NLGN4X: variants seen among roughly 807,000 people sequenced by gnomAD.
NLGN4X encodes the protein neuroligin 4 X-linked, also known as neuroligin-4, X-linked.
Under a neutral mutation model 40.3 loss-of-function variants are expected in NLGN4X, and 3 were observed. The ratio of observed to expected loss-of-function variants is 0.07; its 90% CI spans 0.03 to 0.19. NLGN4X has a LOEUF of 0.19. NLGN4X is among the 10% of genes least tolerant of loss of function. NLGN4X has a pLI of 1.00. For missense variants in NLGN4X, 382 were observed against 708.3 expected (o/e 0.54, Z 5.23); for synonymous variants, 270 against 306.8 (o/e 0.88, Z 1.25).
intron 1 of NLGN4X, among the ~76,000 whole-genome samples, chrX:6,185,131 T>A (rs760283331): frequency 8.9e-6 from 1 of 112,224 alleles, no homozygotes; most frequent in East Asian, 2.8e-4. Flanking sequence ...CAGCATGACA[T>A]TTTCTTATTT....
At chrX:5,901,987 A>G (rs1308647528) in intron 5 of NLGN4X, among the ~76,000 whole-genome samples, 2 of 109,900 alleles carry the variant, frequency 1.8e-5, no homozygotes, top group African/African-American at 6.6e-5. Flanking sequence ...AATTATTATG[A>G]TATTTGTTTT....
chrX:6,032,405 C>CAA lies in NLGN4X; in HGVS notation c.473-2975_473-2974dup, dbSNP rs34229775. Among the ~76,000 whole-genome samples, 347 of 65,616 alleles carry CAA rather than the reference C, an allele frequency of 5.3e-3. 1 individual carries two copies. The highest frequency in any genetic ancestry group is 0.013 in the African/African-American group (253 of 19,049). The allele number at this position is 65,616 out of a possible 115,157, so 57.0% of individuals were successfully genotyped here. Reference sequence around the variant, plus strand: ...CCATTTTCTCTTCTTGCGACCAAGCCAAAAAAAAAAAAAAAAGGGCTTCTC... The same window carrying CAA: ...CCATTTTCTCTTCTTGCGACCAAGCCAAAAAAAAAAAAAAAAAAGGGCTTCTC... On this transcript the variant is annotated intron_variant, in intron 2 of 5. Coordinates refer to ENST00000381095, the MANE Select transcript of NLGN4X (RefSeq NM_181332.3).
chrX:5,983,393 C>T (rs183991482), intron 3 of NLGN4X, among the ~76,000 whole-genome samples: 1 of 112,332 alleles, frequency 8.9e-6, no homozygotes, highest in East Asian at 2.8e-4. Context: ...AAAATATATA[C>T]ATGATAACCA....
At chrX:5,937,573 T>C (rs2033773542) in intron 3 of NLGN4X, among the ~76,000 whole-genome samples, 1 of 111,602 alleles carries the variant, frequency 9.0e-6, no homozygotes, top group African/African-American at 3.3e-5. Flanking sequence ...ATTTCTTTAT[T>C]TACCTTATTT....
chrX:5,997,822 G>A (rs2035873557), intron 3 of NLGN4X, among the ~76,000 whole-genome samples: 2 of 110,011 alleles, frequency 1.8e-5, no homozygotes, highest in South Asian at 8.0e-4. Context: ...CTCTAATACA[G>A]CACTGGTTTT....
At chrX:6,040,106 T>G (rs2037117942) in intron 2 of NLGN4X, among the ~76,000 whole-genome samples, 1 of 110,072 alleles carries the variant, frequency 9.1e-6, no homozygotes, top group Non-Finnish European at 1.9e-5. Flanking sequence ...CCTGGTTAAT[T>G]TTGTTCTATT....
At chrX:6,219,348 CTCCT>C (rs780101050) in intron 1 of NLGN4X, among the ~76,000 whole-genome samples, 3 of 94,676 alleles carry the variant, frequency 3.2e-5, no homozygotes, top group African/African-American at 1.2e-4. Flanking sequence ...CCTTCCTTCC[CTCCT>C]TCCTTCCTTC....
intron 1 of NLGN4X, among the ~76,000 whole-genome samples, chrX:6,226,237 G>A (rs1277225418): frequency 2.8e-5 from 3 of 108,696 alleles, no homozygotes; most frequent in Non-Finnish European, 5.8e-5. Context: ...CCATCCCCGA[G>A]ATAGCAGCAG....
In NLGN4X at chrX:6,151,621, G is replaced by T. The variant is rs1159979777; in HGVS notation, c.-155C>A. ...GATCACAGACAGAGCCTGAGGTTAA[G>T]AACAAGCACAGCCGTTTTCTTGGCA... On this transcript the variant is annotated 5_prime_UTR_variant, in exon 2 of 6. Transcript: ENST00000381095. The T allele has an allele frequency of 6.0e-6, 3 of 498,804 alleles. No homozygotes were observed. The highest frequency in any genetic ancestry group is 1.0e-5 in the Non-Finnish European group (3 of 287,920). 41.1% of individuals were successfully genotyped at this position (498,804 alleles called of 1,213,427 possible). A position where few individuals can be genotyped will look rare whatever the true frequency, so the allele number is the denominator to read the frequency against.
chrX:6,057,879 T>G (rs2037672675), intron 2 of NLGN4X, among the ~76,000 whole-genome samples: 2 of 111,501 alleles, frequency 1.8e-5, no homozygotes, highest in South Asian at 3.7e-4. Flanking sequence ...CCCAAAGCAA[T>G]TTACCTACAC....
intron 2 of NLGN4X, among the ~76,000 whole-genome samples, chrX:6,104,254 T>C (rs2038986565): frequency 8.9e-6 from 1 of 112,240 alleles, no homozygotes; most frequent in Non-Finnish European, 1.9e-5. Flanking sequence ...TTTCTAGCAA[T>C]ACAGAAATAG....
At chrX:6,012,072 T>C (rs1341404623) in intron 3 of NLGN4X, among the ~76,000 whole-genome samples, 1 of 112,455 alleles carries the variant, frequency 8.9e-6, no homozygotes, top group Middle Eastern at 4.2e-3. Flanking sequence ...ACATGGCACA[T>C]GCCCAAATTG....
At chrX:6,095,098 CGTGCGTGTGTGT>C (rs1417469606) in intron 2 of NLGN4X, among the ~76,000 whole-genome samples, 9 of 22,259 alleles carry the variant, frequency 4.0e-4, no homozygotes, top group South Asian at 2.8e-3. Flanking sequence ...TAAGTACGTG[CGTGCGTGTGTGT>C]GTGTGTGTGT....
intron 3 of NLGN4X, among the ~76,000 whole-genome samples, chrX:5,928,773 T>G (rs901771783): frequency 7.2e-5 from 8 of 111,806 alleles, no homozygotes; most frequent in Non-Finnish European, 1.5e-4. Context: ...CTTGGTACAT[T>G]GAAATTTAAT....
rs1326727046 is a variant in NLGN4X at position 5,890,464 on chromosome X, G to A, written c.*2353C>T. On this transcript the variant is annotated 3_prime_UTR_variant, in exon 6 of 6. Coordinates refer to ENST00000381095, the MANE Select transcript of NLGN4X (RefSeq NM_181332.3). ...TATTCAAATGTCACAAGCCTGACGC[G>A]TTACTGTACATATTGCTAGCAGGAG... The A allele has an allele frequency of 4.2e-5, 11 of 263,267 alleles. No individual in the cohort carries two copies. The highest frequency in any genetic ancestry group is 7.0e-5 in the Non-Finnish European group (10 of 141,872). 21.7% of individuals were successfully genotyped at this position (263,267 alleles called of 1,213,427 possible).
At chrX:6,001,882 T>C (rs1323748873) in intron 3 of NLGN4X, among the ~76,000 whole-genome samples, 1 of 112,010 alleles carries the variant, frequency 8.9e-6, no homozygotes, top group Non-Finnish European at 1.9e-5. Flanking sequence ...ATTGTTGTTG[T>C]TGTGTTTTAA....
At chrX:5,903,036 G>A (rs762709159) in intron 5 of NLGN4X, 41 bp downstream of exon 5, 2 of 1,202,556 alleles carry the variant, frequency 1.7e-6, no homozygotes, top group Admixed American at 2.2e-5. Context: ...ACACAAACAA[G>A]TGGCAAGGAT....
intron 2 of NLGN4X, among the ~76,000 whole-genome samples, chrX:6,082,953 T>TTTTTTG (rs2038395414): frequency 3.2e-5 from 2 of 63,208 alleles, no homozygotes; most frequent in Admixed American, 1.9e-4. Context: ...GATGCGTTTT[T>TTTTTTG]TTCTTTTTTT....
intron 1 of NLGN4X, among the ~76,000 whole-genome samples, chrX:6,210,119 C>A (rs183623032): frequency 1.8e-5 from 2 of 111,666 alleles, no homozygotes; most frequent in Admixed American, 9.5e-5. Flanking sequence ...CTCTCTTTAG[C>A]CTCTATCATT....
Sources: allele counts gnomAD v4.1 joint callset (sites outside exome capture counted in the v4.1 genomes callset), GRCh38; gene constraint gnomAD v4.1.1; transcripts MANE v1.5; gene names NCBI Gene and HGNC (gene_info 2026-07-23, HGNC 2026-07-21).